AGFG1: variants seen among roughly 807,000 people sequenced by gnomAD.
AGFG1 encodes the protein arf-GAP domain and FG repeat-containing protein 1.
A neutral mutation model predicts 60.6 loss-of-function variants in AGFG1; 10 were observed. The ratio of observed to expected loss-of-function variants is 0.16; its 90% CI spans 0.10 to 0.28. AGFG1 has a LOEUF of 0.28. AGFG1 is among the 10% of genes least tolerant of loss of function. AGFG1 has a pLI of 1.00. For missense variants in AGFG1, 537 were observed against 676.5 expected, an observed-to-expected ratio of 0.79 and a Z score of 2.29; for synonymous variants, 247 against 242.9, an observed-to-expected ratio of 1.02 and a Z score of -0.16.
At chr2:227,532,707 T>C (rs1029075468) in intron 6 of AGFG1, among the ~76,000 whole-genome samples, 1 of 152,168 alleles carries the variant, frequency 6.6e-6, no homozygotes, top group African/African-American at 2.4e-5. Context: ...TATACTGTTT[T>C]GATTTCTGAA....
At chr2:227,518,301 C>T (rs946411386) in intron 2 of AGFG1, among the ~76,000 whole-genome samples, 1 of 152,062 alleles carries the variant, frequency 6.6e-6, no homozygotes, top group Non-Finnish European at 1.5e-5. Flanking sequence ...TTTTATTTTT[C>T]TTGAATAAAT....
chr2:227,522,554 C>G, intron 3 of AGFG1, among the ~76,000 whole-genome samples: 1 of 152,166 alleles, frequency 6.6e-6, no homozygotes, highest in Non-Finnish European at 1.5e-5. Flanking sequence ...TAAACCTAGG[C>G]AACTCTGCCT....
At chr2:227,491,232 A>G (rs563109963) in intron 1 of AGFG1, among the ~76,000 whole-genome samples, 6 of 152,304 alleles carry the variant, frequency 3.9e-5, no homozygotes, top group African/African-American at 7.2e-5. Flanking sequence ...CTTCATATGT[A>G]TAGTCTTTTC....
chr2:227,542,769 T>C (rs1692529632), intron 10 of AGFG1, among the ~76,000 whole-genome samples: 1 of 152,246 alleles, frequency 6.6e-6, no homozygotes, highest in African/African-American at 2.4e-5. Context: ...AGAATTTGGC[T>C]GTCAATCTGT....
intron 1 of AGFG1, among the ~76,000 whole-genome samples, chr2:227,473,986 A>G (rs912590521): frequency 2.0e-5 from 3 of 152,232 alleles, no homozygotes; most frequent in Admixed American, 6.5e-5. Context: ...GTCTTGGGCA[A>G]GTACTATGCT....
intron 1 of AGFG1, among the ~76,000 whole-genome samples, chr2:227,477,791 G>T (rs1410451348): frequency 6.6e-6 from 1 of 151,798 alleles, no homozygotes; most frequent in South Asian, 2.1e-4. Context: ...TGTATTTTTA[G>T]TAGAGATGGG....
At position 227,554,474 on chromosome 2, in the gene AGFG1, A is replaced by C. The variant is rs2106247496; in HGVS notation, c.1668A>C (p.Ser556=). 1.2e-6 allele frequency: 2 copies of C among 1,613,692 alleles called. No individual in the cohort carries two copies. The highest frequency in any genetic ancestry group is 2.2e-5 in the South Asian group (2 of 91,036). Residue 556 remains serine, a synonymous_variant, in exon 13 of 13, where the codon TCA becomes TCC. Coordinates refer to ENST00000310078, the MANE Select transcript of AGFG1 (RefSeq NM_004504.5). ...CAGGACAATTTCCAACAGGAAGCTC[A>C]TCAACCAATCCTTTCTTATAGCCTT... ...APTGQFPTGS[S]STNPFL is the part of the protein sequence containing the mutation.
At chr2:227,529,262 A>G (rs1692091099) in intron 5 of AGFG1, among the ~76,000 whole-genome samples, 1 of 152,158 alleles carries the variant, frequency 6.6e-6, no homozygotes, top group South Asian at 2.1e-4. Flanking sequence ...CCAAGCATTC[A>G]GAATCCTTAG....
At chr2:227,515,071 C>A (rs1335892995) in intron 2 of AGFG1, among the ~76,000 whole-genome samples, 1 of 152,066 alleles carries the variant, frequency 6.6e-6, no homozygotes, top group Non-Finnish European at 1.5e-5. Context: ...TACACATGCA[C>A]CACCATGCTC....
At chr2:227,496,447 A>AT (rs1232351228) in intron 2 of AGFG1, among the ~76,000 whole-genome samples, 1 of 151,484 alleles carries the variant, frequency 6.6e-6, no homozygotes, top group African/African-American at 2.4e-5. Flanking sequence ...GTCTCAAAAA[A>AT]AAAAAATAAA....
chr2:227,523,696 G>A lies in AGFG1; in HGVS notation c.378-67G>A, dbSNP rs906405647. The A allele has an allele frequency of 7.6e-6, 11 of 1,441,474 alleles. No individual in the cohort carries two copies. In the East Asian group the frequency reaches 1.2e-4, roughly 15 times the overall value. 89.3% of individuals were successfully genotyped at this position (1,441,474 alleles called of 1,614,324 possible). ...CAATCTTGTACAAAGTTAGAATTAA[G>A]CTTATCATTTTTTGATATAGAATTA... On this transcript the variant is annotated intron_variant, in intron 3 of 12. Coordinates refer to ENST00000310078, the MANE Select transcript of AGFG1 (RefSeq NM_004504.5).
chr2:227,559,944 C>T lies in AGFG1; in HGVS notation c.*5449C>T, dbSNP rs760164047. 6.6e-6 allele frequency: 1 copy of T among 152,054 alleles called. No homozygotes were observed. Among genetic ancestry groups the T allele is most frequent in the Non-Finnish European group, 1.5e-5 (1 of 67,960 alleles). 9.4% of individuals were successfully genotyped at this position (152,054 alleles called of 1,614,324 possible). On this transcript the variant is annotated 3_prime_UTR_variant, in exon 13 of 13. Coordinates refer to ENST00000310078, the MANE Select transcript of AGFG1 (RefSeq NM_004504.5). ...ATGCTTATGATTTCTAAAAATTATG[C>T]AGTATACACAAAGGGCATAAAGTCA...
rs376957051 is a variant in AGFG1, at chr2:227,481,985, C to A, written c.167+9397C>A. Among the ~76,000 whole-genome samples the A allele has an allele frequency of 1.5e-3, 226 of 151,768 alleles. 3 individuals carry two copies. The highest frequency in any genetic ancestry group is 5.1e-3 in the African/African-American group (211 of 41,392). On this transcript the variant is annotated intron_variant, in intron 1 of 12. Coordinates refer to ENST00000310078, the MANE Select transcript of AGFG1 (RefSeq NM_004504.5). ...GGTTCACGCCATTTTCCTGCCTCAG[C>A]CTCCCACGTAGCTGGGACTACAGGC...
intron 10 of AGFG1, among the ~76,000 whole-genome samples, chr2:227,544,216 G>A (rs183977323): frequency 0.01 from 1,443 of 140,222 alleles, 6 homozygotes; most frequent in Non-Finnish European, 0.015. Flanking sequence ...GTGCAGTGGC[G>A]CGATCTTGGC....
chr2:227,544,074 C>A (rs1216007654), intron 10 of AGFG1, among the ~76,000 whole-genome samples: 1 of 151,410 alleles, frequency 6.6e-6, no homozygotes, highest in South Asian at 2.1e-4. Context: ...TATGTCTCTG[C>A]ACGTGAGATG....
intron 5 of AGFG1, among the ~76,000 whole-genome samples, chr2:227,527,715 T>C (rs1692038152): frequency 6.6e-6 from 1 of 152,248 alleles, no homozygotes; most frequent in Non-Finnish European, 1.5e-5. Context: ...TTTAGGAATT[T>C]AGTCATTTTA....
chr2:227,554,530 T>G lies in AGFG1; in HGVS notation c.*35T>G. On this transcript the variant is annotated 3_prime_UTR_variant, in exon 13 of 13. Transcript: ENST00000310078. Reference sequence around the variant, plus strand: ...GACAATTTACTGGAACGAACTTTTATGTGGTCACATTACATCTCTCCACCT... The same window carrying G: ...GACAATTTACTGGAACGAACTTTTAGGTGGTCACATTACATCTCTCCACCT... 1 of 1,536,506 alleles carries G rather than the reference T, an allele frequency of 6.5e-7. No homozygotes were observed. The highest frequency in any genetic ancestry group is 9.0e-7 in the Non-Finnish European group (1 of 1,112,138).
chr2:227,502,644 C>CT (rs1691193738), intron 2 of AGFG1, among the ~76,000 whole-genome samples: 1 of 152,080 alleles, frequency 6.6e-6, no homozygotes, highest in Admixed American at 6.5e-5. Context: ...TTTTTGATAT[C>CT]TTTTGGCAAG....
At chr2:227,521,652 T>C (rs1691830032) in intron 3 of AGFG1, among the ~76,000 whole-genome samples, 1 of 152,228 alleles carries the variant, frequency 6.6e-6, no homozygotes, top group Non-Finnish European at 1.5e-5. Context: ...TTTTGTTTTC[T>C]CAGCCGTGTT....
Sources: gnomAD v4.1 joint callset for allele counts (sites outside exome capture counted in the v4.1 genomes callset) on GRCh38, gnomAD v4.1.1 for gene constraint, MANE v1.5 for transcripts, NCBI Gene and HGNC (gene_info 2026-07-23, HGNC 2026-07-21) for gene names.